The following LMF1 variants were observed in gnomAD, a reference collection of about 807,000 sequenced individuals.
The protein encoded by LMF1 is transmembrane protein 112.
Under a neutral mutation model 60.6 loss-of-function variants are expected in LMF1, and 68 were observed. The observed-to-expected ratio is 1.12, with a 90% CI of 0.92 to 1.37. The LOEUF (loss-of-function observed/expected upper bound fraction) is 1.37, where lower values mean the gene tolerates loss of function less well. Among genes scored for constraint, LMF1 ranks in the 40% most tolerant of loss-of-function variants. The probability of loss-of-function intolerance (pLI) is 0.00; values close to 1 mark genes in which losing one functional copy is unlikely to be tolerated. For missense variants in LMF1, 948 were observed against 767.2 expected (o/e 1.24, Z -2.78); for synonymous variants, 418 against 324.7 (o/e 1.29, Z -3.09).
chr16:971,391 C>T (rs1433487551), upstream of LMF1, among the ~76,000 whole-genome samples: 1 of 152,260 alleles, frequency 6.6e-6, no homozygotes, highest in Non-Finnish European at 1.5e-5. Flanking sequence ...CCTGGCGGTG[C>T]TACCACTGCG....
chr16:957,657 T>C (rs2072734765), intron 1 of LMF1, among the ~76,000 whole-genome samples: 1 of 152,164 alleles, frequency 6.6e-6, no homozygotes, highest in Admixed American at 6.5e-5. Context: ...GGTGGAGGAC[T>C]CATGTTACCC....
At chr16:870,398 T>G (rs550811551) in intron 8 of LMF1, among the ~76,000 whole-genome samples, 1 of 152,206 alleles carries the variant, frequency 6.6e-6, no homozygotes, top group Non-Finnish European at 1.5e-5. Context: ...AGGGTGCCTG[T>G]GTTCAGGTGG....
intron 5 of LMF1, 60 bp from the exon 6 acceptor site, chr16:879,797 G>A: frequency 6.7e-7 from 1 of 1,497,478 alleles, no homozygotes; most frequent in Non-Finnish European, 9.1e-7. Flanking sequence ...GGGCTAGGGA[G>A]AGGCTTGTGG....
intron 3 of LMF1, among the ~76,000 whole-genome samples, chr16:929,187 G>A (rs1234543994): frequency 6.6e-6 from 1 of 152,330 alleles, no homozygotes; most frequent in South Asian, 2.1e-4. Flanking sequence ...GGGCCAGAAA[G>A]CGTCTCCAGA....
intron 6 of LMF1, among the ~76,000 whole-genome samples, chr16:876,956 G>A (rs1028984276): frequency 1.2e-4 from 18 of 152,180 alleles, no homozygotes; most frequent in Admixed American, 3.3e-4. Flanking sequence ...TGAGATATAC[G>A]GGCCTGTTAC....
chr16:918,796 G>GGCGTCCCGGGGC (rs1567237415), intron 3 of LMF1, among the ~76,000 whole-genome samples: 2 of 151,874 alleles, frequency 1.3e-5, no homozygotes, highest in African/African-American at 4.8e-5. Context: ...ACGCGGGGCC[G>GGCGTCCCGGGGC]ACGTCCCGGG....
intron 3 of LMF1, among the ~76,000 whole-genome samples, chr16:918,836 A>ACCCCGACTCGCACGCGGGGCCGGCG (rs1567237661): frequency 7.3e-6 from 1 of 136,134 alleles, no homozygotes; most frequent in Non-Finnish European, 1.7e-5. Flanking sequence ...CGGGGCCGGC[A>ACCCCGACTCGCACGCGGGGCCGGCG]TCCCGGGGCG....
intron 5 of LMF1, among the ~76,000 whole-genome samples, chr16:882,045 G>A (rs1387942986): frequency 3.9e-5 from 6 of 152,180 alleles, no homozygotes; most frequent in African/African-American, 7.2e-5. Flanking sequence ...TTTGTGTCCC[G>A]AAGTGGTAAT....
rs2069762568 is a variant in LMF1 at position 870,803 on chromosome 16, C to G, written c.1158G>C (p.Leu386Phe). 1.2e-6 allele frequency: 2 copies of G among 1,612,684 alleles called. No individual in the cohort carries two copies. The highest frequency in any genetic ancestry group is 3.3e-5 in the Admixed American group (2 of 60,002). The change falls in exon 8 of 11, where the codon TTG (leucine) becomes TTC (phenylalanine). Residue 386 changes from leucine (L) to phenylalanine (F), a missense_variant. Coordinates refer to ENST00000262301, the MANE Select transcript of LMF1 (RefSeq NM_022773.4). ...TGTTCATGACCTGCCTGGAGCTCAG[C>G]AAGTTGAGGACCACGGGCACGCTGA... Reference protein sequence around the residue: ...AWLSVPVVLNLLSSRQVMNTH... With the variant: ...AWLSVPVVLNFLSSRQVMNTH...
intron 5 of LMF1, among the ~76,000 whole-genome samples, chr16:889,219 C>T (rs2070403029): frequency 6.6e-6 from 1 of 152,234 alleles, no homozygotes; most frequent in African/African-American, 2.4e-5. Context: ...CGCCTTTCAC[C>T]CTCCAGGGGG....
chr16:958,568 T>G (rs1364621268), intron 1 of LMF1, among the ~76,000 whole-genome samples: 1 of 152,062 alleles, frequency 6.6e-6, no homozygotes, highest in African/African-American at 2.4e-5. Context: ...CACACACACG[T>G]CACATGGCCG....
chr16:888,520 C>T (rs186485220), intron 5 of LMF1, among the ~76,000 whole-genome samples: 23 of 152,296 alleles, frequency 1.5e-4, no homozygotes, highest in Admixed American at 6.5e-4. Flanking sequence ...AGGACAGGCC[C>T]GGATTTTCCA....
intron 2 of LMF1, among the ~76,000 whole-genome samples, chr16:936,930 A>G (rs2071963545): frequency 6.6e-6 from 1 of 152,156 alleles, no homozygotes; most frequent in Non-Finnish European, 1.5e-5. Flanking sequence ...TCGCGCTACT[A>G]TTGCACTCCA....
chr16:869,915 G>A lies in LMF1; in HGVS notation c.1384C>T (p.Leu462=), dbSNP rs1404756677. ...PCLISPYHYR[L]DWLMWFAAFQ... ...GCCGCGAACCACATCAGCCAGTCCA[G>A]GCGGTAGTGGTACGGGGAGATGAGG... The change falls in exon 9 of 11, where the codon CTG becomes TTG. Residue 462 remains leucine (L), a synonymous_variant. Coordinates refer to ENST00000262301, the MANE Select transcript of LMF1 (RefSeq NM_022773.4). The A allele has an allele frequency of 1.2e-6, 2 of 1,613,154 alleles. No homozygotes were observed. The highest frequency in any genetic ancestry group is 1.7e-5 in the Admixed American group (1 of 59,998).
intron 4 of LMF1, among the ~76,000 whole-genome samples, chr16:906,597 CGTGGA>C (rs2070978719): frequency 6.6e-6 from 1 of 152,162 alleles, no homozygotes; most frequent in East Asian, 1.9e-4. Context: ...GACTTGTGAT[CGTGGA>C]GTTAATACTC....
At chr16:911,563 G>GGGGGGGCAGCACT (rs1567225560) in intron 3 of LMF1, among the ~76,000 whole-genome samples, 1 of 42,368 alleles carries the variant, frequency 2.4e-5, no homozygotes, top group African/African-American at 1.3e-4. Flanking sequence ...GGCAGCACTT[G>GGGGGGGCAGCACT]GGGGAGGCAG....
At chr16:971,757 C>A (rs2073055314), upstream of LMF1, among the ~76,000 whole-genome samples, 1 of 152,206 alleles carries the variant, frequency 6.6e-6, no homozygotes, top group Non-Finnish European at 1.5e-5. Context: ...GGGTCACAGG[C>A]ATTCCTTAGA....
intron 3 of LMF1, among the ~76,000 whole-genome samples, chr16:927,329 C>A (rs140408864): frequency 2.6e-5 from 4 of 152,230 alleles, no homozygotes; most frequent in African/African-American, 9.6e-5. Flanking sequence ...GTCATTCACG[C>A]CCCAGGTGAC....
chr16:855,811 C>T (rs1567129117), intron 10 of LMF1: 2 of 455,548 alleles, frequency 4.4e-6, no homozygotes, highest in Admixed American at 2.4e-5. Context: ...GGGCTGCTGT[C>T]ATTATTTGGG....
Sources: gnomAD v4.1 joint callset for allele counts (sites outside exome capture counted in the v4.1 genomes callset) on GRCh38, gnomAD v4.1.1 for gene constraint, MANE v1.5 for transcripts, NCBI Gene and HGNC (gene_info 2026-07-23, HGNC 2026-07-21) for gene names.